Variants in DNAH7 observed in about 807,000 individuals in gnomAD.
DNAH7 encodes axonemal beta dynein heavy chain 7.
In DNAH7, 397 loss-of-function variants were observed where a neutral mutation model predicts 444.6. That is an observed-to-expected ratio of 0.89 (90% CI 0.82 to 0.97). The LOEUF (loss-of-function observed/expected upper bound fraction) is 0.97, where lower values mean the gene tolerates loss of function less well. Among genes scored for constraint, DNAH7 ranks in the 50% least tolerant of loss-of-function variants. DNAH7 has a pLI of 0.00. For synonymous variants in DNAH7, 1,636 were observed against 1,624.4 expected (o/e 1.01, Z -0.17); for missense variants, 4,902 against 4,800.8 (o/e 1.02, Z -0.62).
chr2:195,961,108 C>G (rs1441281207), intron 17 of DNAH7, among the ~76,000 whole-genome samples, 163 bp from the exon 18 acceptor site: 1 of 151,868 alleles, frequency 6.6e-6, no homozygotes, highest in Non-Finnish European at 1.5e-5. Flanking sequence ...TCTCATTTTC[C>G]TATTTACTTC....
rs1688061842 is a variant in DNAH7, at chr2:195,922,131, A to G, written c.3892T>C (p.Ser1298Pro). The change falls in exon 24 of 65, where the codon TCC becomes CCC. Residue 1298 changes from serine (S) to proline (P), a missense_variant. Coordinates refer to ENST00000312428, the MANE Select transcript of DNAH7 (RefSeq NM_018897.3). ...LRYGYEYLGN[S>P]PRLVITPLTD... The stretch of plus-strand genomic sequence containing the variant: ...AGTGGTGTAATAACCAGCCTAGGGG[A>G]ATTACCCAGATATTCATATCCATAT... The G allele has an allele frequency of 6.2e-7, 1 of 1,613,022 alleles. No homozygotes were observed. The highest frequency in any genetic ancestry group is 1.7e-5 in the Admixed American group (1 of 60,002).
intron 10 of DNAH7, among the ~76,000 whole-genome samples, chr2:196,010,370 C>A (rs1694656078): frequency 6.6e-6 from 1 of 152,028 alleles, no homozygotes; most frequent in African/African-American, 2.4e-5. Context: ...TGGTTTCAAA[C>A]TCCTGACCTC....
intron 22 of DNAH7, 34 bp downstream of exon 22, chr2:195,926,392 G>A: frequency 6.9e-7 from 1 of 1,455,214 alleles, no homozygotes; most frequent in South Asian, 1.5e-5. Context: ...TTGAAAAAAT[G>A]CTTAAAAAAA....
chr2:195,866,381 T>C (rs1016419955), intron 40 of DNAH7, among the ~76,000 whole-genome samples: 1 of 152,064 alleles, frequency 6.6e-6, no homozygotes, highest in African/African-American at 2.4e-5. Flanking sequence ...CATAAGCAAA[T>C]GGTATTATTT....
chr2:195,945,597 G>A (rs992773935), intron 19 of DNAH7, among the ~76,000 whole-genome samples: 2 of 152,120 alleles, frequency 1.3e-5, no homozygotes, highest in South Asian at 4.1e-4. Context: ...CAGATGTAGA[G>A]AGCCTGGCAG....
chr2:195,888,256 A>C lies in DNAH7; in HGVS notation c.5406+2T>G. 6.2e-7 allele frequency: 1 copy of C among 1,600,870 alleles called. No homozygotes were observed. On this transcript the variant is annotated splice_donor_variant, in intron 33 of 64. Coordinates refer to ENST00000312428, the MANE Select transcript of DNAH7 (RefSeq NM_018897.3). LOFTEE classifies it high-confidence loss of function. Reference sequence around the variant, plus strand: ...TAATCTTAAAATTCTCATTTCCCTTACCTTTGTATGCTTTCTAATAAATTC... The same window carrying C: ...TAATCTTAAAATTCTCATTTCCCTTCCCTTTGTATGCTTTCTAATAAATTC...
At chr2:196,048,478 T>C in intron 3 of DNAH7, 74 bp from the exon 4 acceptor site, 1 of 1,207,090 alleles carries the variant, frequency 8.3e-7, no homozygotes. Flanking sequence ...TGCACGAGTG[T>C]TTATAAACAC....
intron 40 of DNAH7, 81 bp downstream of exon 40, chr2:195,872,169 A>T: frequency 8.9e-7 from 1 of 1,117,412 alleles, no homozygotes; most frequent in Non-Finnish European, 1.3e-6. Context: ...TATAAATTGA[A>T]GAATATTCTT....
At chr2:195,883,352 G>T (rs184357591) in intron 35 of DNAH7, among the ~76,000 whole-genome samples, 1 of 152,046 alleles carries the variant, frequency 6.6e-6, no homozygotes, top group Non-Finnish European at 1.5e-5. Flanking sequence ...AGAGGCTGAG[G>T]CAGGAGAATG....
chr2:195,833,312 T>C (rs968075506), intron 48 of DNAH7, among the ~76,000 whole-genome samples: 1 of 152,216 alleles, frequency 6.6e-6, no homozygotes, highest in Admixed American at 6.5e-5. Context: ...TAGGTAGACT[T>C]AGACTGTCTT....
chr2:195,773,804 A>G (rs1228201782), intron 60 of DNAH7, among the ~76,000 whole-genome samples: 2 of 152,228 alleles, frequency 1.3e-5, no homozygotes, highest in African/African-American at 2.4e-5. Flanking sequence ...CAATTTTTCT[A>G]TTCTAAATAG....
intron 17 of DNAH7, among the ~76,000 whole-genome samples, chr2:195,962,058 C>A (rs1384601317): frequency 6.6e-6 from 1 of 152,146 alleles, no homozygotes; most frequent in East Asian, 1.9e-4. Context: ...AACTCGAGTT[C>A]AGTCTTGAAC....
chr2:195,884,764 T>C lies in DNAH7; in HGVS notation c.5584A>G (p.Thr1862Ala). 6.2e-7 allele frequency: 1 copy of C among 1,613,942 alleles called. No individual in the cohort carries two copies. Among genetic ancestry groups the C allele is most frequent in the Non-Finnish European group, 8.5e-7 (1 of 1,179,994 alleles). The change falls in exon 35 of 65, where the codon ACA becomes GCA. Residue 1862 changes from threonine (T) to alanine (A), a missense_variant. By Grantham distance (58) the Thr-to-Ala change is moderately conservative. Transcript: ENST00000312428. ...SLIWSVGASC[T>A]DDDRLKFNKI... The stretch of plus-strand genomic sequence containing the variant: ...TTAAATTTCAATCGATCATCATCTG[T>C]ACAAGAAGCACCAACGGACCAGATC...
Position 195,809,740 on chromosome 2 carries a change from C to T in DNAH7, c.9888+5G>A. On this transcript the variant is annotated splice_donor_5th_base_variant and intron_variant, in intron 52 of 64. Transcript: ENST00000312428. ...TTTTTTCTTACAAATGAAAACAGTA[C>T]TGACCGCCCGCTCATGCAGCAGTAG... The T allele has an allele frequency of 2.5e-6, 4 of 1,574,532 alleles. No homozygotes were observed. The highest frequency in any genetic ancestry group is 2.3e-5 in the East Asian group (1 of 43,420).
In DNAH7 at chr2:195,881,944, G is replaced by A. The variant is rs758677871; in HGVS notation, c.5812C>T (p.Pro1938Ser). ...TTAAACATTACATCTTTAGGAATTG[G>A]AGGAGCTTCTTTCAATTTCTTTATC... ...PWIKKLKEAP[P>S]IPKDVMFNEI... The change falls in exon 36 of 65, where the codon CCA becomes TCA. Residue 1938 changes from proline (P) to serine (S), a missense_variant. By Grantham distance (74) the Pro-to-Ser change is moderately conservative. Coordinates refer to ENST00000312428, the MANE Select transcript of DNAH7 (RefSeq NM_018897.3). The A allele has an allele frequency of 2.5e-6, 4 of 1,613,916 alleles. No individual in the cohort carries two copies. The highest frequency in any genetic ancestry group is 1.7e-5 in the Admixed American group (1 of 60,012).
intron 27 of DNAH7, chr2:195,903,168 A>C (rs1430417146): frequency 2.0e-5 from 3 of 152,082 alleles, no homozygotes; most frequent in Non-Finnish European, 4.4e-5. Context: ...TTGGTGGAGG[A>C]AGGGGGGTGG....
intron 50 of DNAH7, 64 bp downstream of exon 50, chr2:195,817,632 T>C: frequency 6.8e-7 from 1 of 1,466,934 alleles, no homozygotes; most frequent in Non-Finnish European, 9.1e-7. Context: ...CTGTAAAATG[T>C]ATTTTAATTC....
At chr2:195,879,044 T>G (rs986859155) in intron 36 of DNAH7, among the ~76,000 whole-genome samples, 1 of 152,048 alleles carries the variant, frequency 6.6e-6, no homozygotes, top group African/African-American at 2.4e-5. Context: ...TACGTACCCT[T>G]CCAAATCAAT....
chr2:195,985,775 C>A (rs955407737), intron 14 of DNAH7, among the ~76,000 whole-genome samples: 15 of 152,184 alleles, frequency 9.9e-5, no homozygotes, highest in African/African-American at 3.6e-4. Flanking sequence ...CCAGCATGAA[C>A]AGCAATAAGA....
Sources: allele counts gnomAD v4.1 joint callset (sites outside exome capture counted in the v4.1 genomes callset), GRCh38; gene constraint gnomAD v4.1.1; transcripts MANE v1.5; gene names NCBI Gene and HGNC (gene_info 2026-07-23, HGNC 2026-07-21).